UNC79: variants seen among roughly 807,000 people sequenced by gnomAD.
UNC79 encodes the protein unc-79 subunit of NALCN channel complex.
In UNC79, 37 loss-of-function variants were observed where a neutral mutation model predicts 283.1. The ratio of observed to expected loss-of-function variants is 0.13; its 90% CI spans 0.10 to 0.17. The LOEUF is 0.17. Ranked by LOEUF, UNC79 falls within the 10% of genes least tolerant of loss-of-function variation. UNC79 has a pLI of 1.00. For missense variants in UNC79, 2,272 were observed against 3,211.1 expected (o/e 0.71, Z 7.07); for synonymous variants, 1,107 against 1,200.2 (o/e 0.92, Z 1.61).
intron 1 of UNC79, among the ~76,000 whole-genome samples, chr14:93,416,385 A>T (rs1214239605): frequency 2.0e-5 from 3 of 150,916 alleles, no homozygotes; most frequent in Admixed American, 2.0e-4. Flanking sequence ...GGTCTGAGAG[A>T]CAGTTTGTTA....
At chr14:93,353,316 AC>A (rs570807245) in intron 1 of UNC79, among the ~76,000 whole-genome samples, 101 of 152,116 alleles carry the variant, frequency 6.6e-4, no homozygotes, top group African/African-American at 2.4e-3. Context: ...TGATTTTCCC[AC>A]CTTGACTTCC....
chr14:93,435,719 A>G (rs1230038865), intron 1 of UNC79, among the ~76,000 whole-genome samples: 1 of 152,124 alleles, frequency 6.6e-6, no homozygotes, highest in Non-Finnish European at 1.5e-5. Context: ...TAAACTTTTT[A>G]CTCTCTGCCA....
intron 2 of UNC79, among the ~76,000 whole-genome samples, chr14:93,469,603 T>A (rs2057396265): frequency 6.6e-6 from 1 of 152,134 alleles, no homozygotes; most frequent in Non-Finnish European, 1.5e-5. Flanking sequence ...TTTTCAGAAT[T>A]TAAGTGAATT....
chr14:93,403,369 G>A (rs1197224851), intron 1 of UNC79, among the ~76,000 whole-genome samples: 1 of 152,172 alleles, frequency 6.6e-6, no homozygotes, highest in Non-Finnish European at 1.5e-5. Context: ...GGTCCACAAG[G>A]AATTTCTCTG....
At chr14:93,504,892 C>T (rs2146511) in intron 7 of UNC79, among the ~76,000 whole-genome samples, 46,662 of 151,904 alleles carry the variant, frequency 0.31, 7,533 homozygotes, top group East Asian at 0.65. Context: ...TATGCTGATT[C>T]CTAAATCCTG....
intron 1 of UNC79, among the ~76,000 whole-genome samples, chr14:93,460,506 CAA>C (rs33915324): frequency 0.55 from 56,180 of 102,476 alleles, 13,193 homozygotes; most frequent in Admixed American, 0.64. Flanking sequence ...CAAGACTTCT[CAA>C]AAAAAAAAAA....
intron 1 of UNC79, among the ~76,000 whole-genome samples, chr14:93,393,195 A>G (rs1249835514): frequency 6.6e-6 from 1 of 152,212 alleles, no homozygotes; most frequent in East Asian, 1.9e-4. Context: ...CAATAACAGC[A>G]ATACTCTATT....
chr14:93,695,099 G>T (rs1322300016), intron 47 of UNC79, among the ~76,000 whole-genome samples: 1 of 152,006 alleles, frequency 6.6e-6, no homozygotes, highest in Non-Finnish European at 1.5e-5. Flanking sequence ...TTATCTTTCT[G>T]CCTCCCCTCT....
In UNC79 at chr14:93,617,436, C is replaced by T; in HGVS notation, c.4224+132C>T. On this transcript the variant is annotated intron_variant, in intron 28 of 48. Transcript: ENST00000555664. The surrounding 1 kb of genome is among the most constrained non-coding windows in gnomAD (Gnocchi z 4.5). ...CCTTCAGAAGGAAGATCAGGATATG[C>T]AATTACTGTTAAGAACCAAAGAGCT... 5.4e-6 allele frequency: 5 copies of T among 932,108 alleles called. No individual in the cohort carries two copies. Among genetic ancestry groups the T allele is most frequent in the Non-Finnish European group, 7.8e-6 (5 of 641,792 alleles). The allele number at this position is 932,108 out of a possible 1,614,324, so 57.7% of individuals were successfully genotyped here.
upstream of UNC79, among the ~76,000 whole-genome samples, chr14:93,427,586 A>G (rs2055759596): frequency 6.6e-6 from 1 of 151,986 alleles, no homozygotes; most frequent in Admixed American, 6.6e-5. Context: ...AGTACTTGTC[A>G]GCACTGAATA....
chr14:93,555,422 G>T (rs2141349381), intron 14 of UNC79, among the ~76,000 whole-genome samples: 1 of 151,936 alleles, frequency 6.6e-6, no homozygotes, highest in African/African-American at 2.4e-5. Context: ...ATTAATTTTT[G>T]AGATGGAGTC....
At chr14:93,634,037 T>A (rs2068278869) in intron 31 of UNC79, among the ~76,000 whole-genome samples, 1 of 152,066 alleles carries the variant, frequency 6.6e-6, no homozygotes, top group African/African-American at 2.4e-5. Context: ...AAAATTGGGG[T>A]TGATATGTGT....
chr14:93,488,696 G>A (rs943304844), intron 5 of UNC79, among the ~76,000 whole-genome samples: 2 of 152,140 alleles, frequency 1.3e-5, no homozygotes, highest in Non-Finnish European at 2.9e-5. Context: ...CTCATTTCTG[G>A]AGGCTGGGAA....
At chr14:93,582,082 G>A (rs2063859943) in intron 19 of UNC79, 121 bp from the exon 20 acceptor site, 7 of 1,495,980 alleles carry the variant, frequency 4.7e-6, no homozygotes, top group East Asian at 4.5e-5. Flanking sequence ...TTGGCCTCTG[G>A]CCTCAGCAGC....
At chr14:93,546,976 A>G (rs191211863) in intron 14 of UNC79, among the ~76,000 whole-genome samples, 4 of 152,346 alleles carry the variant, frequency 2.6e-5, no homozygotes, top group Admixed American at 2.6e-4. Context: ...TTTCAGAGAA[A>G]CATCAGATAA....
At chr14:93,452,100 T>A (rs1467973965) in intron 1 of UNC79, among the ~76,000 whole-genome samples, 1 of 152,224 alleles carries the variant, frequency 6.6e-6, no homozygotes, top group African/African-American at 2.4e-5. Context: ...TTAAATATTA[T>A]CTCTTCTGAA....
At chr14:93,614,855 C>T (rs2066585175) in intron 27 of UNC79, among the ~76,000 whole-genome samples, 1 of 152,182 alleles carries the variant, frequency 6.6e-6, no homozygotes, top group African/African-American at 2.4e-5. Flanking sequence ...CCTCACTACC[C>T]CAAACAGTTC....
exon 49 of UNC79, chr14:93,706,881 G>A (rs2075915736): frequency 6.2e-7 from 1 of 1,614,062 alleles, no homozygotes; most frequent in Non-Finnish European, 8.5e-7. Flanking sequence ...CTCGGAAGCA[G>A]CCTCTCAATT....
At chr14:93,622,801 C>T in exon 30 of UNC79, 15 of 1,614,060 alleles carry the variant, frequency 9.3e-6, no homozygotes, top group Non-Finnish European at 1.3e-5. Flanking sequence ...TCGACATCTC[C>T]TTCAACATTC....
Sources: allele counts gnomAD v4.1 joint callset (sites outside exome capture counted in the v4.1 genomes callset), GRCh38; gene constraint gnomAD v4.1.1; non-coding constraint Gnocchi (gnomAD v3.1); transcripts MANE v1.5; gene names NCBI Gene and HGNC (gene_info 2026-07-23, HGNC 2026-07-21).